The following LTBP1 variants were observed in gnomAD, a reference collection of about 807,000 sequenced individuals.
The protein encoded by LTBP1 is latent-transforming growth factor beta-binding protein 1.
LTBP1 carries 129 observed loss-of-function variants against 207.6 expected under a neutral mutation model. The observed-to-expected ratio is 0.62, with a 90% CI of 0.54 to 0.72. The LOEUF (loss-of-function observed/expected upper bound fraction) is 0.72. Among genes scored for constraint, LTBP1 ranks in the 30% least tolerant of loss-of-function variants. The pLI, the probability that LTBP1 is intolerant of heterozygous loss-of-function variation, is 0.00. For missense variants in LTBP1, 2,281 were observed against 2,217.2 expected, an observed-to-expected ratio of 1.03 and a Z score of -0.58; for synonymous variants, 963 against 833.7, an observed-to-expected ratio of 1.16 and a Z score of -2.67.
At chr2:33,062,070 T>C (rs2077294155) in intron 3 of LTBP1, among the ~76,000 whole-genome samples, 1 of 152,224 alleles carries the variant, frequency 6.6e-6, no homozygotes, top group Non-Finnish European at 1.5e-5. Context: ...TGATATCGAA[T>C]AGCTTTTAAT....
chr2:33,088,588 G>A (rs1323623519), intron 3 of LTBP1, among the ~76,000 whole-genome samples: 2 of 152,152 alleles, frequency 1.3e-5, no homozygotes, highest in Admixed American at 6.5e-5. Context: ...TCCCTAGACT[G>A]TAAGCTTCAT....
chr2:33,128,446 A>G (rs2081575659), intron 4 of LTBP1, among the ~76,000 whole-genome samples: 1 of 152,254 alleles, frequency 6.6e-6, no homozygotes, highest in Admixed American at 6.5e-5. Context: ...CAGTGAAGTC[A>G]GTCTTCTTGT....
intron 5 of LTBP1, among the ~76,000 whole-genome samples, chr2:33,171,086 C>G (rs1314667368): frequency 9.4e-6 from 1 of 106,746 alleles, no homozygotes; most frequent in Non-Finnish European, 2.1e-5. Context: ...AAACTGGAAA[C>G]TCTAAAAAGC....
chr2:33,061,420 A>C (rs182919643), intron 3 of LTBP1: 1 of 152,118 alleles, frequency 6.6e-6, no homozygotes, highest in Non-Finnish European at 1.5e-5. Flanking sequence ...ATGTAATCCA[A>C]AACTCTATCA....
At chr2:33,332,774 A>C (rs148889591) in intron 24 of LTBP1, 1 of 152,310 alleles carries the variant, frequency 6.6e-6, no homozygotes, top group African/African-American at 2.4e-5. Flanking sequence ...GACTGTTTTG[A>C]CTGAAGGATC....
At chr2:33,393,899 G>A (rs1161147429) in intron 32 of LTBP1, among the ~76,000 whole-genome samples, 1 of 152,092 alleles carries the variant, frequency 6.6e-6, no homozygotes, top group South Asian at 2.1e-4. Context: ...CTAGTTTACA[G>A]TCCCACCAAC....
chr2:33,193,576 T>C (rs1032396969), intron 7 of LTBP1, among the ~76,000 whole-genome samples: 2 of 152,230 alleles, frequency 1.3e-5, no homozygotes, highest in Non-Finnish European at 2.9e-5. Context: ...TTGTGTCTTT[T>C]ACTAATTGAA....
chr2:33,230,429 C>T (rs1359599275), intron 9 of LTBP1, among the ~76,000 whole-genome samples: 1 of 152,018 alleles, frequency 6.6e-6, no homozygotes, highest in African/African-American at 2.4e-5. Context: ...ATTACATATA[C>T]ACACATGGAG....
chr2:33,095,295 A>T (rs2079323732), intron 3 of LTBP1, among the ~76,000 whole-genome samples: 1 of 152,192 alleles, frequency 6.6e-6, no homozygotes. Context: ...AGGGAAGTTA[A>T]CTAAAGAAAG....
At chr2:33,019,324 ACTT>A (rs1688822672) in intron 2 of LTBP1, among the ~76,000 whole-genome samples, 1 of 136,128 alleles carries the variant, frequency 7.3e-6, no homozygotes, top group Non-Finnish European at 1.6e-5. Flanking sequence ...TAGCATGTAC[ACTT>A]CTTTTTTTTT....
At chr2:33,209,574 T>G (rs1237780840) in intron 7 of LTBP1, among the ~76,000 whole-genome samples, 1 of 152,252 alleles carries the variant, frequency 6.6e-6, no homozygotes, top group African/African-American at 2.4e-5. Context: ...ACAGCATTAA[T>G]TCACTGAGTA....
At chr2:33,193,968 C>G (rs950562706) in intron 7 of LTBP1, among the ~76,000 whole-genome samples, 2 of 151,382 alleles carry the variant, frequency 1.3e-5, no homozygotes, top group African/African-American at 2.4e-5. Flanking sequence ...TCACACATCT[C>G]TCACTTTATT....
rs1464713062 is a variant in LTBP1 at position 33,302,980 on chromosome 2, CACACAA to C, written c.3481+1342_3481+1347del. Among the ~76,000 whole-genome samples the C allele has an allele frequency of 3.6e-3, 529 of 147,626 alleles. 2 individuals are homozygous for C. Among genetic ancestry groups the C allele is most frequent in the African/African-American group, 0.013 (500 of 38,200 alleles). On this transcript the variant is annotated intron_variant, in intron 22 of 33. Transcript: ENST00000404816. ...ACACACACACACACACACACACACACACACAAACACACACAAACACACGCACACACA... is the reference window on the plus strand; with the variant it reads ...ACACACACACACACACACACACACACACACACACAAACACACGCACACACA...
intron 5 of LTBP1, among the ~76,000 whole-genome samples, chr2:33,139,269 G>T (rs116193007): frequency 0.015 from 2,314 of 152,300 alleles, 21 homozygotes; most frequent in Middle Eastern, 0.051. Context: ...CTTCATTAAA[G>T]GTGGTTTCAG....
At chr2:33,364,434 G>A in intron 30 of LTBP1, 78 bp downstream of exon 30, 98 of 1,390,630 alleles carry the variant, frequency 7.0e-5, no homozygotes, top group Middle Eastern at 3.7e-4. Flanking sequence ...GTGAACTATT[G>A]GAAAATAGAA....
chr2:33,249,919 A>G (rs2092634076), intron 10 of LTBP1, among the ~76,000 whole-genome samples: 1 of 152,178 alleles, frequency 6.6e-6, no homozygotes, highest in South Asian at 2.1e-4. Flanking sequence ...AGTTTTCTTT[A>G]GTACAGCATA....
At chr2:33,040,506 T>G (rs903840901) in intron 3 of LTBP1, among the ~76,000 whole-genome samples, 1 of 152,196 alleles carries the variant, frequency 6.6e-6, no homozygotes, top group Non-Finnish European at 1.5e-5. Context: ...CTTTTCCTAC[T>G]CCACAGAACC....
chr2:33,358,783 C>T (rs1480830842), intron 26 of LTBP1, among the ~76,000 whole-genome samples: 1 of 152,108 alleles, frequency 6.6e-6, no homozygotes. Context: ...ACAATTTATT[C>T]ACCATGTTGA....
chr2:33,295,520 C>G (rs2093857635), intron 20 of LTBP1, among the ~76,000 whole-genome samples: 1 of 151,580 alleles, frequency 6.6e-6, no homozygotes. Flanking sequence ...GAGCAAGACT[C>G]AAAATAGAGT....
Sources: gnomAD v4.1 joint callset for allele counts (sites outside exome capture counted in the v4.1 genomes callset) on GRCh38, gnomAD v4.1.1 for gene constraint, MANE v1.5 for transcripts, NCBI Gene and HGNC (gene_info 2026-07-23, HGNC 2026-07-21) for gene names.